XPNPEP1: variants seen among roughly 807,000 people sequenced by gnomAD.
XPNPEP1 encodes xaa-Pro aminopeptidase 1.
In XPNPEP1, 39 loss-of-function variants were observed where a neutral mutation model predicts 92.4. The observed-to-expected ratio is 0.42, with a 90% confidence interval of 0.33 to 0.55. The LOEUF is 0.55. XPNPEP1 is among the 20% of genes least tolerant of loss of function. The pLI is 0.08. For synonymous variants in XPNPEP1, 307 were observed against 299.4 expected (o/e 1.03, Z -0.26); for missense variants, 654 against 856.1 (o/e 0.76, Z 2.95).
At chr10:109,918,060 G>A (rs1157098265) in intron 1 of XPNPEP1, among the ~76,000 whole-genome samples, 2 of 151,806 alleles carry the variant, frequency 1.3e-5, no homozygotes, top group Non-Finnish European at 2.9e-5. Flanking sequence ...GCTGCAGTGA[G>A]CCATGATAGC....
At chr10:109,891,926 T>C (rs376787270) in intron 4 of XPNPEP1, 100 bp from the exon 5 acceptor site, 31 of 1,171,682 alleles carry the variant, frequency 2.6e-5, no homozygotes, top group East Asian at 2.0e-4. Context: ...GTAAGAGGCA[T>C]CAGCTCCTAG....
intron 3 of XPNPEP1, among the ~76,000 whole-genome samples, chr10:109,897,846 G>T (rs1289713668): frequency 6.6e-6 from 1 of 152,056 alleles, no homozygotes; most frequent in Non-Finnish European, 1.5e-5. Flanking sequence ...TAGAGACAGG[G>T]TTTTGCCATG....
intron 15 of XPNPEP1, among the ~76,000 whole-genome samples, chr10:109,873,998 CT>C (rs1847632441): frequency 6.6e-6 from 1 of 152,058 alleles, no homozygotes; most frequent in African/African-American, 2.4e-5. Flanking sequence ...GTAGTGACCG[CT>C]ATTGGGTATG....
chr10:109,905,611 G>A (rs878944166), intron 3 of XPNPEP1, among the ~76,000 whole-genome samples: 1 of 152,126 alleles, frequency 6.6e-6, no homozygotes, highest in Admixed American at 6.5e-5. Flanking sequence ...TTTCAGTTTT[G>A]CAAGACGAAA....
intron 3 of XPNPEP1, among the ~76,000 whole-genome samples, chr10:109,901,783 T>C (rs1169977219): frequency 6.6e-6 from 1 of 152,252 alleles, no homozygotes; most frequent in African/African-American, 2.4e-5. Flanking sequence ...TTTTCAACTG[T>C]CAGTCTTATG....
intron 3 of XPNPEP1, among the ~76,000 whole-genome samples, chr10:109,903,107 C>T (rs1849372405): frequency 1.3e-5 from 2 of 152,198 alleles, no homozygotes; most frequent in African/African-American, 4.8e-5. Flanking sequence ...CTTGACTCAG[C>T]TATAAGATGT....
intron 16 of XPNPEP1, among the ~76,000 whole-genome samples, chr10:109,872,599 G>C (rs554686135): frequency 8.5e-5 from 13 of 152,286 alleles, no homozygotes; most frequent in African/African-American, 3.1e-4. Flanking sequence ...AAAAGGCAAG[G>C]GACCAAGACA....
At chr10:109,909,761 T>C (rs541099512) in intron 2 of XPNPEP1, among the ~76,000 whole-genome samples, 20 of 152,320 alleles carry the variant, frequency 1.3e-4, no homozygotes, top group African/African-American at 4.1e-4. Flanking sequence ...CAAAGTAGAA[T>C]AATGAGTTTT....
At position 109,868,838 on chromosome 10, in the gene XPNPEP1, T is replaced by G. The variant is rs111841752; in HGVS notation, c.1774-126A>C. ...AACTGGGAGCCAAGAAGTGGTGAGC[T>G]GGTCACCACTTTTCACAGACACACA... On this transcript the variant is annotated intron_variant, in intron 19 of 20. Coordinates refer to ENST00000502935, the MANE Select transcript of XPNPEP1 (RefSeq NM_020383.4). The G allele has an allele frequency of 3.2e-3, 2,569 of 803,296 alleles. 48 individuals carry two copies. The African/African-American group carries it at 0.039, about 12-fold the overall frequency. 49.8% of individuals were successfully genotyped at this position (803,296 alleles called of 1,614,324 possible). A position where few individuals can be genotyped will look rare whatever the true frequency, so the allele number is the denominator to read the frequency against.
chr10:109,898,379 G>A (rs763665290), intron 3 of XPNPEP1, among the ~76,000 whole-genome samples: 1 of 152,186 alleles, frequency 6.6e-6, no homozygotes, highest in African/African-American at 2.4e-5. Flanking sequence ...GTGGACAATC[G>A]GCAATAGTAG....
At chr10:109,900,318 G>C (rs1378889000) in intron 3 of XPNPEP1, among the ~76,000 whole-genome samples, 1 of 152,086 alleles carries the variant, frequency 6.6e-6, no homozygotes, top group Non-Finnish European at 1.5e-5. Flanking sequence ...TTAGGAACAA[G>C]AGCCACAGGG....
At chr10:109,874,226 G>A (rs567509) in intron 15 of XPNPEP1, among the ~76,000 whole-genome samples, 148,292 of 152,330 alleles carry the variant, frequency 0.97, 72,332 homozygotes, top group East Asian at 1. Flanking sequence ...CCTGACACAC[G>A]CATTCTTGGT....
At chr10:109,887,940 T>G (rs888936542) in intron 7 of XPNPEP1, 109 bp downstream of exon 7, 12 of 1,472,296 alleles carry the variant, frequency 8.2e-6, no homozygotes, top group Non-Finnish European at 9.1e-6. Flanking sequence ...GGCAAAATCC[T>G]CCTGTCAGCT....
At chr10:109,885,531 T>C (rs974168256) in intron 8 of XPNPEP1, among the ~76,000 whole-genome samples, 2 of 152,240 alleles carry the variant, frequency 1.3e-5, no homozygotes, top group African/African-American at 2.4e-5. Flanking sequence ...TGTAAGTCAC[T>C]GACACACTTG....
Position 109,880,199 on chromosome 10 carries a change from G to C in XPNPEP1, c.1171C>G (p.Leu391Val), listed in dbSNP as rs749888263. ...GACTAAGAACCAACCTCTTTCTCCAGCCAGTTAAAGAGTTCACAGAGAGCA... is the reference window on the plus strand; with the variant it reads ...GACTAAGAACCAACCTCTTTCTCCACCCAGTTAAAGAGTTCACAGAGAGCA... ...AVALCELFNW[L>V]EKEVPKGGVT... The change falls in exon 12 of 21, where the codon CTG becomes GTG. Residue 391 changes from leucine to valine, a missense_variant. Leu to Val is a conservative substitution (Grantham distance 32, BLOSUM62 1). Coordinates refer to ENST00000502935, the MANE Select transcript of XPNPEP1 (RefSeq NM_020383.4). The C allele has an allele frequency of 6.2e-7, 1 of 1,613,800 alleles. No individual in the cohort carries two copies. Among genetic ancestry groups the C allele is most frequent in the African/African-American group, 1.3e-5 (1 of 74,898 alleles).
At chr10:109,906,130 C>T (rs537261350) in intron 3 of XPNPEP1, among the ~76,000 whole-genome samples, 1 of 152,244 alleles carries the variant, frequency 6.6e-6, no homozygotes, top group South Asian at 2.1e-4. Flanking sequence ...TATCTACCAC[C>T]CCCTCCATCA....
In XPNPEP1 at chr10:109,869,964, C is replaced by A. The variant is rs142238416; in HGVS notation, c.1762G>T (p.Val588Leu). 1.0e-4 allele frequency: 163 copies of A among 1,614,112 alleles called. No individual in the cohort carries two copies. The African/African-American group carries it at 1.9e-3, about 19-fold the overall frequency. Residue 588 changes from valine to leucine, a missense_variant, in exon 19 of 21, where the codon GTG becomes TTG. Physicochemically the swap from Val to Leu is conservative, Grantham distance 32. Transcript: ENST00000502935. Reference sequence around the variant, plus strand: ...TAATAAATCCTCACCTTGGTCTTCACAGGAACCACAAGGACAACATTCTCA... The same window carrying A: ...TAATAAATCCTCACCTTGGTCTTCAAAGGAACCACAAGGACAACATTCTCA... ...RIENVVLVVP[V>L]KTKYNFNNRG...
intron 5 of XPNPEP1, among the ~76,000 whole-genome samples, chr10:109,890,686 T>G (rs1848661180): frequency 6.6e-6 from 1 of 151,992 alleles, no homozygotes; most frequent in Non-Finnish European, 1.5e-5. Context: ...TGTTTTTATA[T>G]TTATGAAATG....
chr10:109,875,846 T>G (rs1157438102), intron 14 of XPNPEP1: 2 of 393,104 alleles, frequency 5.1e-6, no homozygotes, highest in Non-Finnish European at 9.4e-6. Flanking sequence ...AACACATTTC[T>G]TTATGTCTAC....
Sources: gnomAD v4.1 joint callset for allele counts (sites outside exome capture counted in the v4.1 genomes callset) on GRCh38, gnomAD v4.1.1 for gene constraint, MANE v1.5 for transcripts, NCBI Gene and HGNC (gene_info 2026-07-23, HGNC 2026-07-21) for gene names.